The following REV3L variants were observed in gnomAD, a reference collection of about 807,000 sequenced individuals.
The protein encoded by REV3L is REV3 like, DNA directed polymerase zeta catalytic subunit, also known as DNA polymerase zeta catalytic subunit.
REV3L carries 69 observed loss-of-function variants against 299.4 expected under a neutral mutation model. That is an observed-to-expected ratio of 0.23 (90% CI 0.19 to 0.28). The LOEUF is 0.28. Among genes scored for constraint, REV3L ranks in the 10% least tolerant of loss-of-function variants. The probability of loss-of-function intolerance (pLI) is 1.00; values close to 1 mark genes in which losing one functional copy is unlikely to be tolerated. For missense variants in REV3L, 3,128 were observed against 3,693.8 expected (o/e 0.85, Z 3.97); for synonymous variants, 1,238 against 1,271.4 (o/e 0.97, Z 0.56).
chr6:111,461,885 G>A (rs1790813266), intron 1 of REV3L, among the ~76,000 whole-genome samples: 1 of 151,976 alleles, frequency 6.6e-6, no homozygotes, highest in Non-Finnish European at 1.5e-5. Context: ...AGATACCATA[G>A]TGGTAGATTT....
upstream of REV3L, chr6:111,483,485 G>A (rs1349885445): frequency 2.4e-5 from 13 of 533,798 alleles, no homozygotes; most frequent in East Asian, 4.6e-5. Flanking sequence ...AAGGGGCGGC[G>A]GAGCACCGAT....
At position 111,375,713 on chromosome 6, in the gene REV3L, G is replaced by A. The variant is rs771274674; in HGVS notation, c.2642C>T (p.Thr881Ile). 5.0e-6 allele frequency: 8 copies of A among 1,613,918 alleles called. No homozygotes were observed. In the South Asian group the frequency reaches 7.7e-5, roughly 16 times the overall value. ...NALASDLTKT[T>I]RGAFENKTPT... ...TGTTTTATTTTCAAAAGCTCCACGA[G>A]TGGTTTTAGTTAAATCACTAGCCAA... The change falls in exon 13 of 32, where the codon ACT (threonine) becomes ATT (isoleucine). Residue 881 changes from threonine (T) to isoleucine (I), a missense_variant. Physicochemically the swap from Thr to Ile is moderately conservative, Grantham distance 89. Transcript: ENST00000368802.
rs200189205 is a variant in REV3L, at chr6:111,311,197, A to G, written c.8667T>C (p.Tyr2889=). Reference sequence around the variant, plus strand: ...GAAGCTTCATACATTGTCGCTGAACATACTGTTTAATTAGACTTATATCTC... The same window carrying G: ...GAAGCTTCATACATTGTCGCTGAACGTACTGTTTAATTAGACTTATATCTC... ...ETRDISLIKQ[Y]VQRQCMKLLE... Residue 2889 remains tyrosine (Y), a synonymous_variant, in exon 29 of 32, where the codon TAT becomes TAC. Coordinates refer to ENST00000368802, the MANE Select transcript of REV3L (RefSeq NM_001372078.1). The G allele has an allele frequency of 1.4e-5, 22 of 1,613,706 alleles. No homozygotes were observed. Among genetic ancestry groups the G allele is most frequent in the Non-Finnish European group, 1.9e-5 (22 of 1,179,850 alleles).
At chr6:111,421,924 A>G (rs1785409608) in intron 1 of REV3L, among the ~76,000 whole-genome samples, 1 of 152,074 alleles carries the variant, frequency 6.6e-6, no homozygotes. Context: ...GTCTTTCTAA[A>G]TTTTACTCCA....
chr6:111,351,877 T>C lies in REV3L; in HGVS notation c.7185-86A>G, dbSNP rs1777600266. On this transcript the variant is annotated intron_variant, in intron 18 of 31. Transcript: ENST00000368802. Reference sequence around the variant, plus strand: ...AATTGTTTCTTCATGATATAAGGTATGAAAACAAAAACCTATGTTCTCTAA... The same window carrying C: ...AATTGTTTCTTCATGATATAAGGTACGAAAACAAAAACCTATGTTCTCTAA... 28 of 880,050 alleles carry C rather than the reference T, an allele frequency of 3.2e-5. 1 individual carries two copies. In the South Asian group the frequency reaches 4.1e-4, roughly 13 times the overall value. The allele number at this position is 880,050 out of a possible 1,614,324, so 54.5% of individuals were successfully genotyped here.
chr6:111,483,528 G>T (rs747444702), upstream of REV3L: 16 of 513,916 alleles, frequency 3.1e-5, no homozygotes, highest in African/African-American at 7.9e-5. Flanking sequence ...CTTGCGGGAG[G>T]GGGGCGCCAG....
chr6:111,443,372 T>C (rs1788496340), intron 1 of REV3L, among the ~76,000 whole-genome samples: 1 of 152,102 alleles, frequency 6.6e-6, no homozygotes, highest in Non-Finnish European at 1.5e-5. Context: ...GGTCTCAAAC[T>C]CCTGACATTG....
chr6:111,355,855 G>C (rs1215067963), intron 18 of REV3L, among the ~76,000 whole-genome samples: 4 of 152,140 alleles, frequency 2.6e-5, no homozygotes, highest in African/African-American at 7.2e-5. Context: ...TAAAAGGTAG[G>C]ACTGACAATG....
intron 31 of REV3L, among the ~76,000 whole-genome samples, chr6:111,300,685 C>A (rs933000522): frequency 6.6e-6 from 1 of 152,222 alleles, no homozygotes; most frequent in African/African-American, 2.4e-5. Flanking sequence ...AATCTCTGAA[C>A]ATGAATTGTG....
chr6:111,468,881 C>T (rs961632366), intron 1 of REV3L, among the ~76,000 whole-genome samples: 3 of 152,056 alleles, frequency 2.0e-5, no homozygotes, highest in Non-Finnish European at 2.9e-5. Flanking sequence ...GATGACTGGT[C>T]GGGCGTAGTG....
At chr6:111,380,898 AC>A (rs1780764467) in intron 10 of REV3L, among the ~76,000 whole-genome samples, 1 of 152,168 alleles carries the variant, frequency 6.6e-6, no homozygotes, top group South Asian at 2.1e-4. Context: ...CCACTGAAGG[AC>A]TGGTTGAGTG....
intron 3 of REV3L, among the ~76,000 whole-genome samples, chr6:111,410,336 T>C (rs1182205524): frequency 1.4e-4 from 21 of 152,264 alleles, no homozygotes; most frequent in Admixed American, 1.2e-3. Context: ...AGTTTAGTGT[T>C]TGCTATGGTT....
At chr6:111,418,271 T>C (rs1784971610) in intron 1 of REV3L, among the ~76,000 whole-genome samples, 1 of 152,234 alleles carries the variant, frequency 6.6e-6, no homozygotes, top group Admixed American at 6.5e-5. Flanking sequence ...TGTAAATTCC[T>C]AAGGTATTTG....
At chr6:111,407,861 C>T (rs551835983) in intron 3 of REV3L, among the ~76,000 whole-genome samples, 30 of 151,942 alleles carry the variant, frequency 2.0e-4, no homozygotes, top group Middle Eastern at 3.4e-3. Context: ...GCATGAACCC[C>T]GGAGGATGAG....
chr6:111,462,841 A>G (rs1470475320), intron 1 of REV3L, among the ~76,000 whole-genome samples: 1 of 152,190 alleles, frequency 6.6e-6, no homozygotes, highest in African/African-American at 2.4e-5. Flanking sequence ...AAAACAAAAT[A>G]AAGCCACAGA....
intron 1 of REV3L, among the ~76,000 whole-genome samples, chr6:111,432,609 C>T (rs553798676): frequency 2.6e-5 from 4 of 152,268 alleles, no homozygotes; most frequent in South Asian, 4.1e-4. Context: ...TAGTAGGGGA[C>T]TTCAACACCC....
intron 18 of REV3L, 41 bp downstream of exon 18, chr6:111,356,973 C>A: frequency 9.0e-7 from 1 of 1,110,654 alleles, no homozygotes; most frequent in Non-Finnish European, 1.3e-6. Context: ...TGAAACGACT[C>A]TCTGAATAAA....
At chr6:111,422,577 C>CACATATATATATATAT (rs1785496749) in intron 1 of REV3L, among the ~76,000 whole-genome samples, 1 of 20,626 alleles carries the variant, frequency 4.8e-5, no homozygotes, top group East Asian at 6.3e-4. Context: ...TATATATATA[C>CACATATATATATATAT]ACATATATAT....
At position 111,307,432 on chromosome 6, in the gene REV3L, G is replaced by T. The variant is rs1772441350; in HGVS notation, c.9181C>A (p.Pro3061Thr). ...HGICSKCRSQ[P>T]QHVAVILNQE... ...TTGAGGATGACTGCAACATGCTGAGGTTGGCTCCGACATTTACTACAGATG... is the reference window on the plus strand; with the variant it reads ...TTGAGGATGACTGCAACATGCTGAGTTTGGCTCCGACATTTACTACAGATG... The change falls in exon 31 of 32, where the codon CCT becomes ACT. Residue 3061 changes from proline (P) to threonine (T), a missense_variant. Physicochemically the swap from Pro to Thr is conservative, Grantham distance 38. Around this residue, in one of 9 missense-constraint regions of REV3L, gnomAD observed 294 missense variants for 377.0 expected, o/e 0.78. Transcript: ENST00000368802. The T allele has an allele frequency of 1.2e-6, 2 of 1,614,152 alleles. No individual in the cohort carries two copies. The highest frequency in any genetic ancestry group is 1.1e-5 in the South Asian group (1 of 91,082).
Sources: allele counts gnomAD v4.1 joint callset (sites outside exome capture counted in the v4.1 genomes callset), GRCh38; gene constraint gnomAD v4.1.1; regional missense constraint gnomAD v4.1.1; transcripts MANE v1.5; gene names NCBI Gene and HGNC (gene_info 2026-07-23, HGNC 2026-07-21).